LHFPL3: variants seen among roughly 807,000 people sequenced by gnomAD.
The protein encoded by LHFPL3 is LHFPL tetraspan subfamily member 3 protein.
In LHFPL3, 5 loss-of-function variants were observed where a neutral mutation model predicts 19.3. That is an observed-to-expected ratio of 0.26 (90% CI 0.14 to 0.54). The LOEUF (loss-of-function observed/expected upper bound fraction) is 0.54, where lower values mean the gene tolerates loss of function less well. Ranked by LOEUF, LHFPL3 falls within the 20% of genes least tolerant of loss-of-function variation. The probability of loss-of-function intolerance (pLI) is 0.94; values close to 1 mark genes in which losing one functional copy is unlikely to be tolerated. For missense variants in LHFPL3, 249 were observed against 307.4 expected, an observed-to-expected ratio of 0.81 and a Z score of 1.42; for synonymous variants, 133 against 126.2, an observed-to-expected ratio of 1.05 and a Z score of -0.36.
At chr7:104,751,410 GGCAGATA>G (rs1341408102) in intron 2 of LHFPL3, among the ~76,000 whole-genome samples, 3 of 149,910 alleles carry the variant, frequency 2.0e-5, no homozygotes, top group African/African-American at 7.3e-5. Flanking sequence ...CAGGCTCTAA[GGCAGATA>G]GCTCTAACTT....
chr7:104,884,813 C>G (rs1792119730), intron 2 of LHFPL3, among the ~76,000 whole-genome samples: 1 of 152,142 alleles, frequency 6.6e-6, no homozygotes, highest in East Asian at 1.9e-4. Flanking sequence ...TTGTCTGCAC[C>G]TGGAAAGGAG....
At chr7:104,614,676 C>CT (rs1791290294) in intron 1 of LHFPL3, among the ~76,000 whole-genome samples, 2 of 97,444 alleles carry the variant, frequency 2.1e-5, no homozygotes, top group Non-Finnish European at 2.2e-5. Context: ...TCCTTCCTTC[C>CT]TTCCTTCTTT....
At chr7:104,767,977 A>C (rs990004883) in intron 2 of LHFPL3, among the ~76,000 whole-genome samples, 1 of 152,068 alleles carries the variant, frequency 6.6e-6, no homozygotes, top group Non-Finnish European at 1.5e-5. Flanking sequence ...CTATCCTCTC[A>C]TCCTCATCAC....
intron 1 of LHFPL3, among the ~76,000 whole-genome samples, chr7:104,525,931 C>G (rs185571498): frequency 4.2e-4 from 64 of 152,052 alleles, no homozygotes; most frequent in Non-Finnish European, 1.5e-4. Flanking sequence ...CTCTGCTTAT[C>G]TCTCCTTGGC....
chr7:104,720,370 T>C lies in LHFPL3; in HGVS notation c.446-16305T>C, dbSNP rs552760803. ...AAGCTGAAACTGAATCCCTTCCTTA[T>C]ACCTTATACAAAAATTAATTCAAGA... On this transcript the variant is annotated intron_variant, in intron 1 of 2. Transcript: ENST00000424859. Among the ~76,000 whole-genome samples, 94 of 152,120 alleles carry C rather than the reference T, an allele frequency of 6.2e-4. 1 individual carries two copies. Among genetic ancestry groups the C allele is most frequent in the Admixed American group, 2.0e-3 (31 of 15,256 alleles).
intron 1 of LHFPL3, among the ~76,000 whole-genome samples, chr7:104,452,068 C>T (rs1792449438): frequency 6.6e-6 from 1 of 151,912 alleles, no homozygotes; most frequent in Non-Finnish European, 1.5e-5. Context: ...ATAATATGGT[C>T]AAGTTCAGTA....
chr7:104,703,496 T>C (rs1421365529), intron 1 of LHFPL3, among the ~76,000 whole-genome samples: 1 of 152,238 alleles, frequency 6.6e-6, no homozygotes, highest in Non-Finnish European at 1.5e-5. Context: ...ATATCATCTT[T>C]TGTCAGTAGC....
chr7:104,894,034 G>A (rs567478631), intron 2 of LHFPL3, among the ~76,000 whole-genome samples: 1 of 152,112 alleles, frequency 6.6e-6, no homozygotes, highest in African/African-American at 2.4e-5. Context: ...TCTGTGCACA[G>A]CAGAGAAAGA....
At chr7:104,615,774 T>A (rs2115775638) in intron 1 of LHFPL3, among the ~76,000 whole-genome samples, 1 of 151,460 alleles carries the variant, frequency 6.6e-6, no homozygotes. Flanking sequence ...GAACATGCGG[T>A]GTTTGGTTTT....
At chr7:104,360,068 T>C (rs1790361433) in intron 1 of LHFPL3, among the ~76,000 whole-genome samples, 1 of 152,260 alleles carries the variant, frequency 6.6e-6, no homozygotes, top group African/African-American at 2.4e-5. Flanking sequence ...CACTTTCCGT[T>C]GCACCATGGT....
chr7:104,704,721 G>A (rs377404312), intron 1 of LHFPL3, among the ~76,000 whole-genome samples: 9 of 151,410 alleles, frequency 5.9e-5, no homozygotes, highest in East Asian at 1.9e-4. Flanking sequence ...CTACAGCCTC[G>A]GCCTCCTGGG....
rs1278513861 is a variant in LHFPL3 at position 104,487,156 on chromosome 7, T to C, written c.445+157932T>C. ...TCTTGGAAAATGTGACTAAGTGAAA[T>C]GATGTATAATGAAACCAGTTTTATC... On this transcript the variant is annotated intron_variant, in intron 1 of 2. Coordinates refer to ENST00000424859, the MANE Select transcript of LHFPL3 (RefSeq NM_199000.3). 2.0e-5 allele frequency among the ~76,000 whole-genome samples: 3 copies of C among 152,222 alleles called. No homozygotes were observed. In the East Asian group the frequency reaches 5.8e-4, roughly 29 times the overall value.
At position 104,543,578 on chromosome 7, in the gene LHFPL3, G is replaced by T. The variant is rs113968678; in HGVS notation, c.446-193097G>T. ...GCACATATACACCATGGAATACTAT[G>T]CAGCCATAAAAAATGAAGAGTTCAT... On this transcript the variant is annotated intron_variant, in intron 1 of 2. Transcript: ENST00000424859. Among the ~76,000 whole-genome samples, 1,416 of 151,928 alleles carry T rather than the reference G, an allele frequency of 9.3e-3. 24 individuals are homozygous for T. Among genetic ancestry groups the T allele is most frequent in the African/African-American group, 0.032 (1,342 of 41,422 alleles).
chr7:104,889,408 G>A (rs1045789927), intron 2 of LHFPL3, among the ~76,000 whole-genome samples: 11 of 152,202 alleles, frequency 7.2e-5, no homozygotes, highest in Non-Finnish European at 1.3e-4. Flanking sequence ...GGGAGGCCGA[G>A]GCAGGTGGAT....
chr7:104,635,026 CAAG>C (rs1338388881), intron 1 of LHFPL3, among the ~76,000 whole-genome samples: 5 of 151,848 alleles, frequency 3.3e-5, no homozygotes, highest in Admixed American at 1.3e-4. Context: ...AAATATGAAA[CAAG>C]AATAAAATGT....
chr7:104,757,514 A>T (rs1403144841), intron 2 of LHFPL3: 2 of 152,160 alleles, frequency 1.3e-5, no homozygotes, highest in African/African-American at 4.8e-5. Context: ...TCAACAAACA[A>T]AAAACAAATA....
chr7:104,385,612 T>C (rs1265190971), intron 1 of LHFPL3, among the ~76,000 whole-genome samples: 1 of 152,192 alleles, frequency 6.6e-6, no homozygotes, highest in African/African-American at 2.4e-5. Flanking sequence ...TGGGTATTCA[T>C]CACTTGTGCA....
intron 2 of LHFPL3, among the ~76,000 whole-genome samples, chr7:104,893,651 T>G (rs1792296400): frequency 6.6e-6 from 1 of 152,180 alleles, no homozygotes; most frequent in African/African-American, 2.4e-5. Context: ...TACAAACATT[T>G]ATTAAATGCT....
At chr7:104,732,431 C>A (rs1257132294) in intron 1 of LHFPL3, among the ~76,000 whole-genome samples, 1 of 152,114 alleles carries the variant, frequency 6.6e-6, no homozygotes, top group Admixed American at 6.5e-5. Flanking sequence ...AGAGATTCAA[C>A]TTCTTCCTGG....
Sources: allele counts gnomAD v4.1 joint callset (sites outside exome capture counted in the v4.1 genomes callset), GRCh38; gene constraint gnomAD v4.1.1; transcripts MANE v1.5; gene names NCBI Gene and HGNC (gene_info 2026-07-23, HGNC 2026-07-21).